KIF5C: variants seen among roughly 807,000 people sequenced by gnomAD.
KIF5C encodes kinesin heavy chain isoform 5C.
A neutral mutation model predicts 125.2 loss-of-function variants in KIF5C; 18 were observed. The observed-to-expected ratio is 0.14, with a 90% CI of 0.10 to 0.21. KIF5C has a LOEUF of 0.21. KIF5C is among the 10% of genes least tolerant of loss of function. The pLI is 1.00. For synonymous variants in KIF5C, 405 were observed against 434.0 expected (o/e 0.93, Z 0.83); for missense variants, 780 against 1,183.8 (o/e 0.66, Z 5.01).
At chr2:148,987,008 C>T (rs966743411) in intron 15 of KIF5C, among the ~76,000 whole-genome samples, 1 of 152,146 alleles carries the variant, frequency 6.6e-6, no homozygotes, top group African/African-American at 2.4e-5. Context: ...GAGGTCCATA[C>T]ATTTGGAAAG....
At chr2:148,938,777 A>G (rs1174794026) in intron 4 of KIF5C, among the ~76,000 whole-genome samples, 2 of 152,132 alleles carry the variant, frequency 1.3e-5, no homozygotes, top group African/African-American at 4.8e-5. Context: ...AGAGATGAGG[A>G]AACGGAAGTT....
chr2:148,952,619 CAGTA>C (rs1682692099), intron 10 of KIF5C, among the ~76,000 whole-genome samples: 1 of 152,088 alleles, frequency 6.6e-6, no homozygotes, highest in Non-Finnish European at 1.5e-5. Context: ...CCCTTTGGGT[CAGTA>C]AGCCCAGTGT....
In KIF5C at chr2:148,949,869, C is replaced by T; in HGVS notation, c.745C>T (p.Leu249Phe). 1 of 1,613,814 alleles carries T rather than the reference C, an allele frequency of 6.2e-7. No individual in the cohort carries two copies. Among genetic ancestry groups the T allele is most frequent in the Non-Finnish European group, 8.5e-7 (1 of 1,179,836 alleles). Residue 249 changes from leucine to phenylalanine, a missense_variant, in exon 9 of 26, where the codon CTT becomes TTT. Transcript: ENST00000435030. ...CAAAACTGGTGCCGAGGGAGCTGTT[C>T]TTGACGAAGCTAAAAATATCAATAA... The part of the protein sequence containing the change: ...VSKTGAEGAV[L>F]DEAKNINKSL...
intron 3 of KIF5C, among the ~76,000 whole-genome samples, chr2:148,934,499 T>C (rs1682249144): frequency 1.4e-5 from 2 of 147,456 alleles, no homozygotes; most frequent in Admixed American, 1.4e-4. Flanking sequence ...CCCCCACATA[T>C]ACATGCACAC....
At chr2:149,000,551 A>T (rs572159101) in intron 20 of KIF5C, 27 bp downstream of exon 20, 2 of 1,545,256 alleles carry the variant, frequency 1.3e-6, no homozygotes, top group Non-Finnish European at 8.8e-7. Context: ...TATTTCCTCT[A>T]TTTTCTCTCA....
In KIF5C at chr2:148,941,596, T is replaced by G; in HGVS notation, c.397-14T>G. 1 of 1,555,500 alleles carries G rather than the reference T, an allele frequency of 6.4e-7. No individual in the cohort carries two copies. On this transcript the variant is annotated splice_polypyrimidine_tract_variant and intron_variant, in intron 4 of 25. Coordinates refer to ENST00000435030, the MANE Select transcript of KIF5C (RefSeq NM_004522.3). ...GCGGCATGTCTATTCCAAGCTCAAT[T>G]TGTTTTTAACTAGGTTTCCTATTTT...
At chr2:148,954,608 T>A (rs1186076708) in intron 10 of KIF5C, among the ~76,000 whole-genome samples, 1 of 152,222 alleles carries the variant, frequency 6.6e-6, no homozygotes, top group Non-Finnish European at 1.5e-5. Context: ...GGAGTTTTGA[T>A]TGATCCAGCA....
rs76287902 is a variant in KIF5C at position 148,973,620 on chromosome 2, G to A, written c.1293+109G>A. 4,814 of 1,408,240 alleles carry A rather than the reference G, an allele frequency of 3.4e-3. 131 individuals are homozygous for A. In the African/African-American group the frequency reaches 0.063, roughly 18 times the overall value. The allele number at this position is 1,408,240 out of a possible 1,614,324, so 87.2% of individuals were successfully genotyped here. A position where few individuals can be genotyped will look rare whatever the true frequency, so the allele number is the denominator to read the frequency against. Reference sequence around the variant, plus strand: ...GGCTACAGCCCGATCTTTGTTTCTGGTTTCCTAATACCTACCCTAGCACTT... The same window carrying A: ...GGCTACAGCCCGATCTTTGTTTCTGATTTCCTAATACCTACCCTAGCACTT... On this transcript the variant is annotated intron_variant, in intron 12 of 25. Transcript: ENST00000435030.
intron 17 of KIF5C, among the ~76,000 whole-genome samples, chr2:148,995,751 A>G (rs1448616929): frequency 6.6e-6 from 1 of 152,268 alleles, no homozygotes; most frequent in Non-Finnish European, 1.5e-5. Context: ...TATTTAATAG[A>G]ACTTTTTCTT....
At chr2:148,943,320 C>G (rs1411340812) in intron 7 of KIF5C, among the ~76,000 whole-genome samples, 1 of 152,164 alleles carries the variant, frequency 6.6e-6, no homozygotes, top group Non-Finnish European at 1.5e-5. Flanking sequence ...CTCTGCAGTT[C>G]CTTCCTCAGT....
At chr2:148,993,524 A>T (rs1026829509) in intron 16 of KIF5C, among the ~76,000 whole-genome samples, 1 of 152,214 alleles carries the variant, frequency 6.6e-6, no homozygotes, top group Non-Finnish European at 1.5e-5. Context: ...TTCCAGCTGA[A>T]ATGCTATCTT....
rs773279411 is a variant in KIF5C, at chr2:148,937,294, A to G, written c.302A>G (p.His101Arg). The change falls in exon 4 of 26, where the codon CAT (histidine) becomes CGT (arginine). Residue 101 changes from histidine to arginine, a missense_variant. Physicochemically the swap from His to Arg is conservative, Grantham distance 29 (BLOSUM62 0). Transcript: ENST00000435030. ...GKTHTMEGKLHDPQLMGIIPR... is the reference protein window; with the variant it reads ...GKTHTMEGKLRDPQLMGIIPR... The stretch of plus-strand genomic sequence containing the variant: ...ATTTTCGCCCACTAGGGGAAGCTGC[A>G]TGACCCCCAGCTCATGGGGATCATC... 2 of 1,594,476 alleles carry G rather than the reference A, an allele frequency of 1.3e-6. No homozygotes were observed. The highest frequency in any genetic ancestry group is 1.7e-6 in the Non-Finnish European group (2 of 1,169,504).
At chr2:148,999,225 T>C (rs975218817) in intron 19 of KIF5C, among the ~76,000 whole-genome samples, 1 of 152,238 alleles carries the variant, frequency 6.6e-6, no homozygotes, top group Non-Finnish European at 1.5e-5. Context: ...AAACCAATTA[T>C]ATTGAAATGC....
chr2:148,959,003 C>T (rs1177944345), intron 10 of KIF5C, among the ~76,000 whole-genome samples: 1 of 151,906 alleles, frequency 6.6e-6, no homozygotes, highest in East Asian at 1.9e-4. Context: ...AAAACTTTGC[C>T]TACCCCAAGG....
intron 1 of KIF5C, among the ~76,000 whole-genome samples, 154 bp downstream of exon 1, chr2:148,875,897 C>A (rs1166983907): frequency 3.3e-5 from 5 of 151,674 alleles, no homozygotes; most frequent in Non-Finnish European, 5.9e-5. Flanking sequence ...CCTCGCCCCG[C>A]GCACTATGGT....
At chr2:148,957,598 A>AC (rs1553466349) in intron 10 of KIF5C, among the ~76,000 whole-genome samples, 2,579 of 109,206 alleles carry the variant, frequency 0.024, 41 homozygotes, top group South Asian at 0.11. Flanking sequence ...CTAGTAAAAA[A>AC]AAAAAAAAAA....
At chr2:148,958,844 C>T (rs1293988775) in intron 10 of KIF5C, among the ~76,000 whole-genome samples, 3 of 151,828 alleles carry the variant, frequency 2.0e-5, no homozygotes, top group Non-Finnish European at 4.4e-5. Context: ...ATTAGCTGGG[C>T]GTGGTGGCGG....
rs114568991 is a variant in KIF5C, at chr2:148,951,283, G to C, written c.968+821G>C. Among the ~76,000 whole-genome samples, 1,035 of 152,278 alleles carry C rather than the reference G, an allele frequency of 6.8e-3. 17 individuals are homozygous for C. Among genetic ancestry groups the C allele is most frequent in the Middle Eastern group, 0.065 (19 of 294 alleles). ...TGGAGGTAGGAGGTCTGGACTGTAT[G>C]CTGAGAAGAGATGCAGATGACAGCT... On this transcript the variant is annotated intron_variant, in intron 10 of 25. Coordinates refer to ENST00000435030, the MANE Select transcript of KIF5C (RefSeq NM_004522.3).
rs190364875 is a variant in KIF5C at position 148,996,462 on chromosome 2, C to T, written c.2024-802C>T. ...TGTTTCTCTCTTGCATCCGGTGGTTCCTGCAGTGGGGCCACTGAGTTGAAA... is the reference window on the plus strand; with the variant it reads ...TGTTTCTCTCTTGCATCCGGTGGTTTCTGCAGTGGGGCCACTGAGTTGAAA... On this transcript the variant is annotated intron_variant, in intron 17 of 25. Coordinates refer to ENST00000435030, the MANE Select transcript of KIF5C (RefSeq NM_004522.3). 1.1e-3 allele frequency among the ~76,000 whole-genome samples: 165 copies of T among 152,290 alleles called. 2 individuals are homozygous for T. The highest frequency in any genetic ancestry group is 3.6e-3 in the African/African-American group (149 of 41,536).
Sources: allele counts gnomAD v4.1 joint callset (sites outside exome capture counted in the v4.1 genomes callset), GRCh38; gene constraint gnomAD v4.1.1; transcripts MANE v1.5; gene names NCBI Gene and HGNC (gene_info 2026-07-23, HGNC 2026-07-21).